SIK3: variants seen among roughly 807,000 people sequenced by gnomAD.
SIK3 encodes serine/threonine-protein kinase SIK3.
In SIK3, 28 loss-of-function variants were observed where a neutral mutation model predicts 144.2. The ratio of observed to expected loss-of-function variants is 0.19; its 90% CI spans 0.14 to 0.27. The LOEUF is 0.27. Ranked by LOEUF, SIK3 falls within the 10% of genes least tolerant of loss-of-function variation. SIK3 has a pLI of 1.00. For missense variants in SIK3, 1,319 were observed against 1,776.0 expected (o/e 0.74, Z 4.62); for synonymous variants, 686 against 676.3 (o/e 1.01, Z -0.22).
intron 4 of SIK3, among the ~76,000 whole-genome samples, chr11:116,899,875 C>T (rs1056996102): frequency 1.3e-5 from 2 of 151,984 alleles, no homozygotes; most frequent in Non-Finnish European, 2.9e-5. Flanking sequence ...CTCTGAAACC[C>T]GTCCCTCTCT....
At chr11:116,848,786 A>T (rs1018566400) in intron 22 of SIK3, among the ~76,000 whole-genome samples, 16 of 152,084 alleles carry the variant, frequency 1.1e-4, no homozygotes, top group African/African-American at 3.9e-4. Flanking sequence ...AACATGGTAA[A>T]ACCCCATGCC....
At chr11:116,894,985 G>A (rs1388257288) in intron 6 of SIK3, among the ~76,000 whole-genome samples, 2 of 152,046 alleles carry the variant, frequency 1.3e-5, no homozygotes, top group Non-Finnish European at 2.9e-5. Context: ...TTTTTTGTAT[G>A]TTTGAAATTT....
chr11:116,924,056 T>A (rs941533079), intron 4 of SIK3, among the ~76,000 whole-genome samples: 6 of 151,828 alleles, frequency 4.0e-5, no homozygotes, highest in Admixed American at 2.6e-4. Context: ...CTGAGGCGGG[T>A]GGATCAGGAT....
rs1422454320 is a variant in SIK3 at position 116,861,939 on chromosome 11, T to C, written c.2230-13A>G. On this transcript the variant is annotated splice_polypyrimidine_tract_variant and intron_variant, in intron 17 of 24. Transcript: ENST00000445177. ...GACAGATAGAGTCCTAAAACATATATGGGGAAAGGAAAAAAATTATTGTGA... is the reference window on the plus strand; with the variant it reads ...GACAGATAGAGTCCTAAAACATATACGGGGAAAGGAAAAAAATTATTGTGA... 6.3e-7 allele frequency: 1 copy of C among 1,580,188 alleles called. No homozygotes were observed. Among genetic ancestry groups the C allele is most frequent in the Non-Finnish European group, 8.6e-7 (1 of 1,156,158 alleles).
Position 117,098,423 on chromosome 11 carries a change from T to C in SIK3, c.-8A>G, listed in dbSNP as rs1955585578. 8.9e-7 allele frequency: 1 copy of C among 1,128,410 alleles called. No homozygotes were observed. The allele number at this position is 1,128,410 out of a possible 1,614,324, so 69.9% of individuals were successfully genotyped here. On this transcript the variant is annotated 5_prime_UTR_variant, in exon 1 of 25. Coordinates refer to ENST00000445177, the MANE Select transcript of SIK3 (RefSeq NM_001366686.3). ...CGCCGCCGCCGCCGCCATCTTGTTG[T>C]GCAGTGAAACCTCCGGGGCCGCGGG...
rs1565507672 is a variant in SIK3 at position 116,965,763 on chromosome 11, AT to A, written c.274-8700del. ...TATATATATATATATATATATATAT[AT>A]ATATATATATATATATATAAATTAG... On this transcript the variant is annotated intron_variant, in intron 1 of 24. Coordinates refer to ENST00000445177, the MANE Select transcript of SIK3 (RefSeq NM_001366686.3). Among the ~76,000 whole-genome samples the A allele has an allele frequency of 2.6e-3, 141 of 54,972 alleles. 5 individuals carry two copies. Among genetic ancestry groups the A allele is most frequent in the African/African-American group, 7.3e-3 (140 of 19,250 alleles). The allele number at this position is 54,972 out of a possible 152,430, so 36.1% of individuals were successfully genotyped here. A position where few individuals can be genotyped will look rare whatever the true frequency, so the allele number is the denominator to read the frequency against.
At chr11:117,035,681 A>G in intron 1 of SIK3, 1 of 709,140 alleles carries the variant, frequency 1.4e-6, no homozygotes. Context: ...TAGCCTCCAG[A>G]GTAGCTGGGA....
intron 1 of SIK3, among the ~76,000 whole-genome samples, chr11:117,016,394 GGGAAGGAA>G (rs771165423): frequency 0.058 from 3,444 of 59,292 alleles, 95 homozygotes; most frequent in African/African-American, 0.094. Flanking sequence ...GAGGGAGGGA[GGGAAGGAA>G]GGAAGGAAGG....
intron 21 of SIK3, among the ~76,000 whole-genome samples, chr11:116,853,327 A>G (rs1942611900): frequency 6.6e-6 from 1 of 152,224 alleles, no homozygotes; most frequent in Non-Finnish European, 1.5e-5. Flanking sequence ...GACATTCAGG[A>G]TCAAATCTTT....
At chr11:116,878,716 T>C (rs1944392396) in intron 6 of SIK3, among the ~76,000 whole-genome samples, 1 of 152,230 alleles carries the variant, frequency 6.6e-6, no homozygotes, top group South Asian at 2.1e-4. Flanking sequence ...CCTGCCACTA[T>C]GCACATTTCT....
At chr11:117,013,955 A>ATTTTTTTTTTTTTTT (rs1951402523) in intron 1 of SIK3, among the ~76,000 whole-genome samples, 1 of 9,928 alleles carries the variant, frequency 1.0e-4, no homozygotes, top group Non-Finnish European at 2.4e-4. Flanking sequence ...TGTGTGTTTT[A>ATTTTTTTTTTTTTTT]TTTCTTTTTT....
intron 1 of SIK3, among the ~76,000 whole-genome samples, chr11:117,065,588 A>G (rs949064037): frequency 7.3e-6 from 1 of 136,266 alleles, no homozygotes; most frequent in African/African-American, 3.3e-5. Flanking sequence ...CTTTTTAAAC[A>G]CAAATTTAGT....
At chr11:117,009,880 T>C (rs923727606) in intron 1 of SIK3, among the ~76,000 whole-genome samples, 1 of 152,188 alleles carries the variant, frequency 6.6e-6, no homozygotes, top group East Asian at 1.9e-4. Flanking sequence ...CTATTCTTGT[T>C]TACTGCCCAA....
intron 1 of SIK3, among the ~76,000 whole-genome samples, chr11:117,033,269 T>C (rs947206538): frequency 1.3e-5 from 2 of 152,174 alleles, no homozygotes; most frequent in African/African-American, 2.4e-5. Flanking sequence ...TCAGTGACAA[T>C]ATAAGTGAGC....
intron 3 of SIK3, among the ~76,000 whole-genome samples, chr11:116,947,701 G>T (rs997711086): frequency 6.6e-6 from 1 of 151,676 alleles, no homozygotes; most frequent in African/African-American, 2.4e-5. Flanking sequence ...AAGTAGCTGG[G>T]ACTACAGGTG....
chr11:116,913,525 AG>A (rs142195028), intron 4 of SIK3, among the ~76,000 whole-genome samples: 11,270 of 152,214 alleles, frequency 0.074, 499 homozygotes, highest in Middle Eastern at 0.11. Context: ...TCCTCAATAT[AG>A]GATCTTTGCA....
At chr11:117,084,457 G>A (rs1393387032) in intron 1 of SIK3, among the ~76,000 whole-genome samples, 1 of 152,022 alleles carries the variant, frequency 6.6e-6, no homozygotes, top group Non-Finnish European at 1.5e-5. Context: ...GTAGAGACAG[G>A]GTTTCACCAG....
intron 4 of SIK3, among the ~76,000 whole-genome samples, chr11:116,915,158 G>C (rs1254708201): frequency 1.3e-5 from 2 of 148,668 alleles, no homozygotes; most frequent in African/African-American, 2.6e-5. Flanking sequence ...GTGTGTGTGT[G>C]TGTATGTGTA....
At chr11:116,963,273 T>A (rs1040979911) in intron 1 of SIK3, among the ~76,000 whole-genome samples, 1 of 152,216 alleles carries the variant, frequency 6.6e-6, no homozygotes, top group Non-Finnish European at 1.5e-5. Context: ...GAGAATTAAG[T>A]CTTACAGCCT....
Sources: allele counts gnomAD v4.1 joint callset (sites outside exome capture counted in the v4.1 genomes callset), GRCh38; gene constraint gnomAD v4.1.1; transcripts MANE v1.5; gene names NCBI Gene and HGNC (gene_info 2026-07-23, HGNC 2026-07-21).